Variants in GRM1 observed in about 807,000 individuals in gnomAD.
GRM1 encodes glutamate metabotropic receptor 1.
In GRM1, 33 loss-of-function variants were observed where a neutral mutation model predicts 90.9. The ratio of observed to expected loss-of-function variants is 0.36; its 90% CI spans 0.28 to 0.49. GRM1 has a LOEUF of 0.49. Among genes scored for constraint, GRM1 ranks in the 20% least tolerant of loss-of-function variants. GRM1 has a pLI of 0.99. For synonymous variants in GRM1, 700 were observed against 613.2 expected (o/e 1.14, Z -2.09); for missense variants, 1,190 against 1,534.3 (o/e 0.78, Z 3.75).
At chr6:146,359,039 G>A (rs371642832) in intron 5 of GRM1, among the ~76,000 whole-genome samples, 26 of 152,202 alleles carry the variant, frequency 1.7e-4, no homozygotes, top group African/African-American at 6.0e-4. Flanking sequence ...TCATGGGAAG[G>A]TTTGGCCAAT....
At chr6:146,174,312 TG>T (rs774427236) in intron 2 of GRM1, among the ~76,000 whole-genome samples, 3 of 152,212 alleles carry the variant, frequency 2.0e-5, no homozygotes, top group Non-Finnish European at 2.9e-5. Context: ...TATGACTTTA[TG>T]GGCTTCTGGA....
intron 1 of GRM1, among the ~76,000 whole-genome samples, chr6:146,144,243 G>T (rs1390457780): frequency 2.0e-5 from 3 of 152,106 alleles, no homozygotes; most frequent in African/African-American, 4.8e-5. Context: ...TTCTTAGAAG[G>T]CTTCTAATCT....
chr6:146,058,020 T>A (rs1032113290), intron 1 of GRM1, among the ~76,000 whole-genome samples: 6 of 152,102 alleles, frequency 3.9e-5, no homozygotes, highest in Non-Finnish European at 8.8e-5. Context: ...TTTACTTTTT[T>A]AAAAGAGTTA....
At chr6:146,308,571 T>C (rs1051897497) in intron 3 of GRM1, among the ~76,000 whole-genome samples, 10 of 152,316 alleles carry the variant, frequency 6.6e-5, no homozygotes, top group Admixed American at 6.5e-4. Flanking sequence ...CAATCACCCT[T>C]ACATAGTTAG....
intron 2 of GRM1, among the ~76,000 whole-genome samples, chr6:146,227,248 G>A (rs761564558): frequency 3.3e-5 from 5 of 150,586 alleles, no homozygotes; most frequent in Non-Finnish European, 7.4e-5. Context: ...AGACATACAC[G>A]TATTTATTAC....
At chr6:146,171,805 TG>T in intron 2 of GRM1, 1 of 278,538 alleles carries the variant, frequency 3.6e-6, no homozygotes, top group Non-Finnish European at 7.5e-6. Flanking sequence ...TTCTAATGAC[TG>T]GGGAAATTTT....
intron 1 of GRM1, among the ~76,000 whole-genome samples, chr6:146,054,355 C>A (rs1775406302): frequency 6.6e-6 from 1 of 151,974 alleles, no homozygotes; most frequent in Admixed American, 6.6e-5. Flanking sequence ...TATTTTCTCT[C>A]CCATATTTTC....
intron 2 of GRM1, among the ~76,000 whole-genome samples, chr6:146,261,249 T>C (rs181449045): frequency 1.8e-4 from 28 of 151,736 alleles, no homozygotes; most frequent in Non-Finnish European, 3.5e-4. Context: ...CTGTCTGGAG[T>C]TGATGAGCAG....
chr6:146,179,679 A>G (rs1778471359), intron 2 of GRM1, among the ~76,000 whole-genome samples: 1 of 151,972 alleles, frequency 6.6e-6, no homozygotes, highest in African/African-American at 2.4e-5. Flanking sequence ...ATGCCCAGCT[A>G]ATTTATTTTT....
At chr6:146,081,684 T>G (rs1441343027) in intron 1 of GRM1, among the ~76,000 whole-genome samples, 1 of 152,180 alleles carries the variant, frequency 6.6e-6, no homozygotes, top group African/African-American at 2.4e-5. Flanking sequence ...TTTAATGCCT[T>G]TCTTTATTAT....
Position 146,397,473 on chromosome 6 carries a change from CAAAAAAAAAAGA to C in GRM1, c.1730-1285_1730-1274del, listed in dbSNP as rs1304436317. ...TGGGCAACAGAGTGAGACCCCGTCT[CAAAAAAAAAAGA>C]AAAAAAAAAAAAAAAAAAAAGCACA... On this transcript the variant is annotated intron_variant, in intron 6 of 7. Coordinates refer to ENST00000282753, the MANE Select transcript of GRM1 (RefSeq NM_001278064.2). Among the ~76,000 whole-genome samples, 400 of 16,738 alleles carry C rather than the reference CAAAAAAAAAAGA, an allele frequency of 0.024. 5 individuals are homozygous for C. In the East Asian group the frequency reaches 0.26, roughly 11 times the overall value. The allele number at this position is 16,738 out of a possible 152,430, so 11.0% of individuals were successfully genotyped here.
At chr6:146,056,533 C>T (rs72996941) in intron 1 of GRM1, among the ~76,000 whole-genome samples, 2,257 of 152,228 alleles carry the variant, frequency 0.015, 25 homozygotes, top group Non-Finnish European at 0.02. Flanking sequence ...AAGAATACAA[C>T]CATTAGAACT....
At chr6:146,342,602 T>C (rs934294023) in intron 3 of GRM1, among the ~76,000 whole-genome samples, 1 of 152,186 alleles carries the variant, frequency 6.6e-6, no homozygotes, top group Admixed American at 6.5e-5. Flanking sequence ...AGTCTTTAGA[T>C]TGTTCATCAA....
At chr6:146,295,934 G>A (rs541597314) in intron 2 of GRM1, among the ~76,000 whole-genome samples, 1 of 152,050 alleles carries the variant, frequency 6.6e-6, no homozygotes, top group South Asian at 2.1e-4. Context: ...GTGTTCATGT[G>A]TTATAATTTA....
intron 7 of GRM1, among the ~76,000 whole-genome samples, chr6:146,418,250 A>C (rs531766592): frequency 6.6e-6 from 1 of 152,192 alleles, no homozygotes; most frequent in African/African-American, 2.4e-5. Flanking sequence ...TTTTAAGTGA[A>C]AGAAAATATG....
chr6:146,118,174 C>T (rs910647473), intron 1 of GRM1, among the ~76,000 whole-genome samples: 2 of 123,962 alleles, frequency 1.6e-5, no homozygotes, highest in Admixed American at 1.0e-4. Context: ...GAGTCTCACT[C>T]TGTTGCCCAG....
intron 2 of GRM1, among the ~76,000 whole-genome samples, chr6:146,259,105 G>T (rs1180092205): frequency 1.3e-5 from 2 of 152,116 alleles, no homozygotes; most frequent in African/African-American, 4.8e-5. Flanking sequence ...CATCACCTGG[G>T]CATATTCATG....
intron 1 of GRM1, among the ~76,000 whole-genome samples, chr6:146,121,027 T>C (rs1354210445): frequency 6.6e-6 from 1 of 152,224 alleles, no homozygotes; most frequent in Non-Finnish European, 1.5e-5. Flanking sequence ...AACTCCTCCT[T>C]GTACCTCTGG....
chr6:146,330,277 C>T (rs1026146020), intron 3 of GRM1, among the ~76,000 whole-genome samples: 5 of 152,050 alleles, frequency 3.3e-5, no homozygotes, highest in African/African-American at 1.2e-4. Context: ...GTCTTAGATA[C>T]AATTATTTGA....
Sources: allele counts gnomAD v4.1 joint callset (sites outside exome capture counted in the v4.1 genomes callset), GRCh38; gene constraint gnomAD v4.1.1; transcripts MANE v1.5; gene names NCBI Gene and HGNC (gene_info 2026-07-23, HGNC 2026-07-21).